Variants in GRIK2 observed in about 807,000 individuals in gnomAD.
The protein encoded by GRIK2 is glutamate receptor ionotropic, kainate 2.
Under a neutral mutation model 100.3 loss-of-function variants are expected in GRIK2, and 32 were observed. The observed-to-expected ratio is 0.32, with a 90% CI of 0.24 to 0.43. The LOEUF (loss-of-function observed/expected upper bound fraction) is 0.43, where lower values mean the gene tolerates loss of function less well. GRIK2 is among the 20% of genes least tolerant of loss of function. The pLI is 1.00. For missense variants in GRIK2, 843 were observed against 1,114.9 expected (o/e 0.76, Z 3.47); for synonymous variants, 417 against 389.4 (o/e 1.07, Z -0.83).
chr6:101,827,311 A>C (rs1353735415), intron 10 of GRIK2, among the ~76,000 whole-genome samples: 1 of 151,950 alleles, frequency 6.6e-6, no homozygotes, highest in African/African-American at 2.4e-5. Context: ...GAAAAGAAGA[A>C]AATAAAAGAA....
At chr6:101,943,007 A>G (rs912069775) in intron 14 of GRIK2, among the ~76,000 whole-genome samples, 2 of 152,210 alleles carry the variant, frequency 1.3e-5, no homozygotes, top group Admixed American at 1.3e-4. Flanking sequence ...TCGCAGGCCT[A>G]GAGGCCTAGG....
At chr6:101,708,689 T>C (rs1773505055) in intron 7 of GRIK2, among the ~76,000 whole-genome samples, 1 of 151,812 alleles carries the variant, frequency 6.6e-6, no homozygotes, top group African/African-American at 2.4e-5. Context: ...ATTTATATTT[T>C]CTTAGGATAG....
intron 7 of GRIK2, among the ~76,000 whole-genome samples, chr6:101,707,995 G>C (rs937225533): frequency 4.0e-5 from 6 of 151,656 alleles, no homozygotes; most frequent in Non-Finnish European, 2.9e-5. Flanking sequence ...AGTTAAAATT[G>C]CATTCATTCA....
chr6:101,618,521 T>G (rs373037215), intron 2 of GRIK2, among the ~76,000 whole-genome samples: 1 of 151,846 alleles, frequency 6.6e-6, no homozygotes, highest in Admixed American at 6.6e-5. Context: ...CCATACACTT[T>G]AATTCTAAAC....
intron 7 of GRIK2, among the ~76,000 whole-genome samples, chr6:101,708,592 A>T (rs1773496786): frequency 6.6e-6 from 1 of 151,742 alleles, no homozygotes; most frequent in East Asian, 1.9e-4. Flanking sequence ...ATGCTAATTT[A>T]CTGATAAATA....
intron 14 of GRIK2, among the ~76,000 whole-genome samples, chr6:102,006,370 A>T (rs960439742): frequency 1.5e-4 from 17 of 112,042 alleles, no homozygotes; most frequent in Non-Finnish European, 2.6e-4. Flanking sequence ...TAAACCTTTT[A>T]TATATATATA....
intron 2 of GRIK2, among the ~76,000 whole-genome samples, chr6:101,402,447 C>G (rs1048498489): frequency 3.3e-5 from 5 of 152,186 alleles, no homozygotes; most frequent in Non-Finnish European, 7.3e-5. Flanking sequence ...GCTGCACAGG[C>G]TGGCCTGCTC....
rs61125711 is a variant in GRIK2 at position 101,890,976 on chromosome 6, CATATATATATATAT to C, written c.1748+1128_1748+1141del. Among the ~76,000 whole-genome samples the C allele has an allele frequency of 3.1e-3, 460 of 146,688 alleles. 5 individuals are homozygous for C. The highest frequency in any genetic ancestry group is 5.2e-3 in the Admixed American group (76 of 14,548). On this transcript the variant is annotated intron_variant, in intron 12 of 16. Transcript: ENST00000369134. ...GAGATAAAAATACCTATAAAGTGTA[CATATATATATATAT>C]ATATATATATATATGTTTTGTGCTG...
At chr6:101,701,537 G>A (rs911689790) in intron 7 of GRIK2, among the ~76,000 whole-genome samples, 2 of 151,968 alleles carry the variant, frequency 1.3e-5, no homozygotes, top group African/African-American at 4.8e-5. Flanking sequence ...TAAATCAAAA[G>A]GAAAAGGGAA....
chr6:101,559,854 C>T (rs1022424568), intron 2 of GRIK2, among the ~76,000 whole-genome samples: 1 of 151,994 alleles, frequency 6.6e-6, no homozygotes, highest in Non-Finnish European at 1.5e-5. Flanking sequence ...AAAGGCTCTG[C>T]AGTAGATAGA....
chr6:101,996,050 T>G (rs1258741290), intron 14 of GRIK2, among the ~76,000 whole-genome samples: 1 of 152,010 alleles, frequency 6.6e-6, no homozygotes, highest in African/African-American at 2.4e-5. Context: ...GTGAGCTTGC[T>G]GAGTAAATTG....
At chr6:102,066,982 A>G (rs1483713860) in intron 16 of GRIK2, among the ~76,000 whole-genome samples, 1 of 151,708 alleles carries the variant, frequency 6.6e-6, no homozygotes, top group Non-Finnish European at 1.5e-5. Flanking sequence ...ATATCAGGAT[A>G]TGTTGCTGGA....
At chr6:101,826,878 C>A (rs1046705709) in intron 10 of GRIK2, among the ~76,000 whole-genome samples, 1 of 151,980 alleles carries the variant, frequency 6.6e-6, no homozygotes, top group Non-Finnish European at 1.5e-5. Context: ...TCAGTAAATT[C>A]CTTTCTTGAA....
At chr6:101,902,730 C>T (rs1046659888) in intron 12 of GRIK2, among the ~76,000 whole-genome samples, 1 of 150,314 alleles carries the variant, frequency 6.7e-6, no homozygotes, top group African/African-American at 2.5e-5. Flanking sequence ...TTCTTTCCTG[C>T]TTATAATTTT....
At chr6:101,889,017 G>C (rs956167486) in intron 11 of GRIK2, among the ~76,000 whole-genome samples, 1 of 151,982 alleles carries the variant, frequency 6.6e-6, no homozygotes, top group African/African-American at 2.4e-5. Context: ...TTCCTAATGC[G>C]ATTTAGGCAA....
chr6:102,026,111 C>CATATATATATATATATATATATAT (rs6149730), intron 14 of GRIK2, among the ~76,000 whole-genome samples: 1 of 100,254 alleles, frequency 1.0e-5, no homozygotes, highest in Non-Finnish European at 2.0e-5. Context: ...TATACACTTA[C>CATATATATATATATATATATATAT]ATATATATAT....
At chr6:102,064,132 T>C in intron 16 of GRIK2, 1 of 681,770 alleles carries the variant, frequency 1.5e-6, no homozygotes, top group South Asian at 1.7e-5. Context: ...GTTTTCATCC[T>C]AAGGAACTGA....
chr6:101,720,091 GT>G (rs140068260), intron 7 of GRIK2, among the ~76,000 whole-genome samples: 4,595 of 138,450 alleles, frequency 0.033, 201 homozygotes, highest in African/African-American at 0.11. Flanking sequence ...GGATGATTTC[GT>G]TTTTTTTTCT....
chr6:101,482,967 G>A (rs1409250954), intron 2 of GRIK2, among the ~76,000 whole-genome samples: 2 of 152,088 alleles, frequency 1.3e-5, no homozygotes, highest in Non-Finnish European at 2.9e-5. Flanking sequence ...TTATTTGGTA[G>A]TATTAATAAA....
Sources: allele counts gnomAD v4.1 joint callset (sites outside exome capture counted in the v4.1 genomes callset), GRCh38; gene constraint gnomAD v4.1.1; transcripts MANE v1.5; gene names NCBI Gene and HGNC (gene_info 2026-07-23, HGNC 2026-07-21).